Variants in MXI1 observed in about 807,000 individuals in gnomAD.
MXI1 encodes the protein max-interacting protein 1.
A neutral mutation model predicts 36.9 loss-of-function variants in MXI1; 18 were observed. The ratio of observed to expected loss-of-function variants is 0.49; its 90% confidence interval spans 0.34 to 0.72. The LOEUF is 0.72. MXI1 is among the 30% of genes least tolerant of loss of function. The probability of loss-of-function intolerance (pLI) is 0.01; values close to 1 mark genes in which losing one functional copy is unlikely to be tolerated. For missense variants in MXI1, 304 were observed against 379.1 expected (o/e 0.80, Z 1.64); for synonymous variants, 160 against 146.7 (o/e 1.09, Z -0.65).
chr10:110,236,465 TA>T (rs1483510563), intron 2 of MXI1, among the ~76,000 whole-genome samples: 2 of 152,138 alleles, frequency 1.3e-5, no homozygotes, highest in African/African-American at 4.8e-5. Flanking sequence ...TTAATTAATT[TA>T]TTTTTTTGAG....
intron 1 of MXI1, among the ~76,000 whole-genome samples, chr10:110,211,801 A>G (rs889807632): frequency 6.6e-6 from 1 of 152,220 alleles, no homozygotes; most frequent in African/African-American, 2.4e-5. Flanking sequence ...CAAAACTCCA[A>G]CTGATGTGAA....
At chr10:110,208,438 T>TC (rs1554853031) in intron 1 of MXI1, 1,836 of 167,214 alleles carry the variant, frequency 0.011, 34 homozygotes, top group African/African-American at 0.042. Context: ...TTTTTTTTTT[T>TC]CCGGAGCCTT....
Position 110,236,124 on chromosome 10 carries a change from CTTTTTTTTTTTTTTTTT to C in MXI1, c.407+7826_407+7842del, listed in dbSNP as rs60576710. On this transcript the variant is annotated intron_variant, in intron 2 of 5. Transcript: ENST00000332674. Reference sequence around the variant, plus strand: ...AGGGTGTGAAGTAAAGGTTGAAGTTCTTTTTTTTTTTTTTTTTTTTTTTTTTTTTTTTTTTTTTTGCA... The same window carrying C: ...AGGGTGTGAAGTAAAGGTTGAAGTTCTTTTTTTTTTTTTTTTTTTTTTGCA... Among the ~76,000 whole-genome samples the C allele has an allele frequency of 7.5e-3, 251 of 33,514 alleles. 1 individual carries two copies. The highest frequency in any genetic ancestry group is 0.018 in the African/African-American group (153 of 8,508). The allele number at this position is 33,514 out of a possible 152,430, so 22.0% of individuals were successfully genotyped here.
intron 2 of MXI1, among the ~76,000 whole-genome samples, chr10:110,233,921 T>A (rs901121616): frequency 6.6e-6 from 1 of 152,168 alleles, no homozygotes; most frequent in Non-Finnish European, 1.5e-5. Context: ...CTGTTCCTAG[T>A]CGATGAAAGG....
Position 110,286,432 on chromosome 10 carries a change from C to G in MXI1, c.*1445C>G, listed in dbSNP as rs1406150098. 6.6e-6 allele frequency: 1 copy of G among 151,662 alleles called. No individual in the cohort carries two copies. The highest frequency in any genetic ancestry group is 1.5e-5 in the Non-Finnish European group (1 of 67,954). 9.4% of individuals were successfully genotyped at this position (151,662 alleles called of 1,614,324 possible). On this transcript the variant is annotated 3_prime_UTR_variant, in exon 6 of 6. Coordinates refer to ENST00000332674, the MANE Select transcript of MXI1 (RefSeq NM_130439.3). ...TTACCCTGGGAAGGCCTCTTGGAGA[C>G]CTTACCCCTGGCTGTTTGGACTTTG...
At chr10:110,227,833 T>C in intron 1 of MXI1, 1 of 262,994 alleles carries the variant, frequency 3.8e-6, no homozygotes, top group East Asian at 8.1e-5. Context: ...ACAGAGAGAG[T>C]TGAAAGTAAA....
intron 3 of MXI1, chr10:110,261,191 G>A: frequency 1.0e-6 from 1 of 953,488 alleles, no homozygotes. Context: ...GACAATAAAA[G>A]TAGCTTTTAA....
At chr10:110,282,384 T>C (rs1385063761) in intron 5 of MXI1, among the ~76,000 whole-genome samples, 1 of 151,832 alleles carries the variant, frequency 6.6e-6, no homozygotes, top group Non-Finnish European at 1.5e-5. Context: ...TTTTTCTATG[T>C]AAAAGTTTAT....
Position 110,284,953 on chromosome 10 carries a change from C to T in MXI1, c.854C>T (p.Ser285Phe), listed in dbSNP as rs780136973. The T allele has an allele frequency of 1.9e-6, 3 of 1,613,132 alleles. No individual in the cohort carries two copies. Among genetic ancestry groups the T allele is most frequent in the Admixed American group, 3.3e-5 (2 of 59,794 alleles). The change falls in exon 6 of 6, where the codon TCC becomes TTC. Residue 285 changes from serine (S) to phenylalanine (F), a missense_variant. Physicochemically the swap from Ser to Phe is radical, Grantham distance 155. Transcript: ENST00000332674. ...LPSIGSDEGY[S>F]SASVKLSFTS ...AGTATTGGGAGTGACGAGGGTTACTCCAGTGCCAGTGTCAAACTTTCATTC... is the reference window on the plus strand; with the variant it reads ...AGTATTGGGAGTGACGAGGGTTACTTCAGTGCCAGTGTCAAACTTTCATTC...
At chr10:110,269,614 T>C (rs919151992) in intron 3 of MXI1, among the ~76,000 whole-genome samples, 1 of 152,232 alleles carries the variant, frequency 6.6e-6, no homozygotes, top group Non-Finnish European at 1.5e-5. Flanking sequence ...GAAGACTTAA[T>C]TCTTGCATTT....
chr10:110,208,054 C>T lies in MXI1; in HGVS notation c.246C>T (p.Tyr82=), dbSNP rs751439245. 5 of 1,600,140 alleles carry T rather than the reference C, an allele frequency of 3.1e-6. No individual in the cohort carries two copies. The highest frequency in any genetic ancestry group is 1.7e-4 in the Middle Eastern group (1 of 5,928). The change falls in exon 1 of 6, where the codon TAC becomes TAT. Residue 82 remains tyrosine, a synonymous_variant. Transcript: ENST00000332674. ...NVQILLEAAS[Y]LEQIEKENKK... is the part of the protein sequence containing the mutation. ...AGATTCTGCTCGAGGCCGCCAGCTACCTGGAGCAGATCGAGAAAGAAAACA... is the reference window on the plus strand; with the variant it reads ...AGATTCTGCTCGAGGCCGCCAGCTATCTGGAGCAGATCGAGAAAGAAAACA...
chr10:110,271,222 A>G (rs1856842658), intron 3 of MXI1, among the ~76,000 whole-genome samples: 1 of 152,186 alleles, frequency 6.6e-6, no homozygotes, highest in Non-Finnish European at 1.5e-5. Flanking sequence ...CCAGAAAAAA[A>G]AAAGGTTAAG....
chr10:110,283,534 G>T (rs1857335101), intron 5 of MXI1, among the ~76,000 whole-genome samples: 1 of 149,880 alleles, frequency 6.7e-6, no homozygotes, highest in South Asian at 2.1e-4. Context: ...AAAGTGCTTG[G>T]CCGCACCCGG....
At chr10:110,235,164 TTGAC>T (rs1855412690) in intron 2 of MXI1, among the ~76,000 whole-genome samples, 1 of 152,200 alleles carries the variant, frequency 6.6e-6, no homozygotes, top group African/African-American at 2.4e-5. Flanking sequence ...AGATGAGAAT[TTGAC>T]TGTCATACTC....
chr10:110,275,655 G>C (rs1428183554), intron 3 of MXI1, among the ~76,000 whole-genome samples: 5 of 152,242 alleles, frequency 3.3e-5, no homozygotes, highest in Middle Eastern at 3.4e-3. Context: ...TCTCCCTCTT[G>C]GTCAGCTGCT....
chr10:110,215,805 A>C (rs1854622745), intron 1 of MXI1, among the ~76,000 whole-genome samples: 1 of 152,098 alleles, frequency 6.6e-6, no homozygotes, highest in African/African-American at 2.4e-5. Flanking sequence ...GCCTTGACTG[A>C]GGAGGAGGAA....
chr10:110,259,150 A>G (rs939734284), intron 3 of MXI1, among the ~76,000 whole-genome samples: 1 of 152,152 alleles, frequency 6.6e-6, no homozygotes, highest in African/African-American at 2.4e-5. Context: ...AAGTTGTGGT[A>G]GCTTTTTATG....
intron 3 of MXI1, among the ~76,000 whole-genome samples, chr10:110,250,435 C>T (rs955186974): frequency 6.6e-6 from 1 of 152,104 alleles, no homozygotes; most frequent in Admixed American, 6.6e-5. Context: ...CAGTTTGGGT[C>T]CTTTGCCAGA....
rs1000632328 is a variant in MXI1, at chr10:110,285,837, C to T, written c.*850C>T. 1.3e-5 allele frequency: 2 copies of T among 152,442 alleles called. No homozygotes were observed. Among genetic ancestry groups the T allele is most frequent in the Non-Finnish European group, 2.9e-5 (2 of 68,014 alleles). 9.4% of individuals were successfully genotyped at this position (152,442 alleles called of 1,614,324 possible). A position where few individuals can be genotyped will look rare whatever the true frequency, so the allele number is the denominator to read the frequency against. On this transcript the variant is annotated 3_prime_UTR_variant, in exon 6 of 6. Transcript: ENST00000332674. ...CTGCGTGGGTCAGAAGAGTTGTGCA[C>T]GCAGATTAGCAGGCCAAGGTCTGAG...
Sources: gnomAD v4.1 joint callset for allele counts (sites outside exome capture counted in the v4.1 genomes callset) on GRCh38, gnomAD v4.1.1 for gene constraint, MANE v1.5 for transcripts, NCBI Gene and HGNC (gene_info 2026-07-23, HGNC 2026-07-21) for gene names.